The following SENP2 variants were observed in gnomAD, a reference collection of about 807,000 sequenced individuals.
SENP2 encodes the protein SUMO specific peptidase 2.
Under a neutral mutation model 86.3 loss-of-function variants are expected in SENP2, and 16 were observed. The observed-to-expected ratio is 0.19, with a 90% confidence interval of 0.13 to 0.28. The LOEUF (loss-of-function observed/expected upper bound fraction) is 0.28, where lower values mean the gene tolerates loss of function less well. Ranked by LOEUF, SENP2 falls within the 10% of genes least tolerant of loss-of-function variation. SENP2 has a pLI of 1.00. For missense variants in SENP2, 552 were observed against 703.0 expected, an observed-to-expected ratio of 0.79 and a Z score of 2.43; for synonymous variants, 222 against 238.7, an observed-to-expected ratio of 0.93 and a Z score of 0.64.
intron 16 of SENP2, 65 bp downstream of exon 16, chr3:185,626,458 C>CTTA: frequency 2.8e-6 from 3 of 1,086,250 alleles, no homozygotes; most frequent in Non-Finnish European, 4.2e-6. Flanking sequence ...TGGCCAGTGC[C>CTTA]TGGCACACAT....
At chr3:185,606,277 A>G in intron 5 of SENP2, 53 bp from the exon 6 acceptor site, 1 of 1,499,302 alleles carries the variant, frequency 6.7e-7, no homozygotes. Context: ...CTTAGATTCC[A>G]GCAATTTAAG....
Position 185,613,346 on chromosome 3 carries a change from T to C in SENP2, c.871T>C (p.Cys291Arg). ...TCATCTCTCAATTTTTTTCCTTAGGTGTTCAAAGGGGAAAATTACTGATAC... is the reference window on the plus strand; with the variant it reads ...TCATCTCTCAATTTTTTTCCTTAGGCGTTCAAAGGGGAAAATTACTGATAC... The part of the protein sequence containing the change: ...PLCSLRSEKR[C>R]SKGKITDTET... The change falls in exon 10 of 17, where the codon TGT becomes CGT. Residue 291 changes from cysteine (C) to arginine (R), a missense_variant and splice_region_variant. Cys to Arg is a radical substitution (Grantham distance 180). Transcript: ENST00000296257. 1.3e-6 allele frequency: 2 copies of C among 1,563,106 alleles called. No homozygotes were observed. Among genetic ancestry groups the C allele is most frequent in the Non-Finnish European group, 1.8e-6 (2 of 1,137,376 alleles).
At chr3:185,603,315 G>A (rs1452461226) in intron 5 of SENP2, among the ~76,000 whole-genome samples, 3 of 152,158 alleles carry the variant, frequency 2.0e-5, no homozygotes, top group African/African-American at 2.4e-5. Flanking sequence ...TGGACAAACT[G>A]ACATCATGGC....
intron 11 of SENP2, among the ~76,000 whole-genome samples, chr3:185,616,714 G>C (rs1711623157): frequency 6.6e-6 from 1 of 150,390 alleles, no homozygotes; most frequent in African/African-American, 2.5e-5. Context: ...GGCGGAGCTT[G>C]CAGTAAGCCG....
At chr3:185,626,606 C>G (rs780928867) in intron 16 of SENP2, among the ~76,000 whole-genome samples, 1 of 151,016 alleles carries the variant, frequency 6.6e-6, no homozygotes, top group Admixed American at 6.6e-5. Context: ...AACCCCATCT[C>G]TACTAAAAAT....
chr3:185,622,877 T>C (rs185069394), intron 14 of SENP2, among the ~76,000 whole-genome samples: 1 of 146,054 alleles, frequency 6.8e-6, no homozygotes, highest in Admixed American at 7.1e-5. Flanking sequence ...CATGCAGTGG[T>C]GCAGTCTCAG....
At chr3:185,603,225 AC>A (rs1215295079) in intron 5 of SENP2, among the ~76,000 whole-genome samples, 1 of 152,128 alleles carries the variant, frequency 6.6e-6, no homozygotes, top group African/African-American at 2.4e-5. Context: ...ATTACTTATT[AC>A]TTACAAAAGG....
chr3:185,595,320 T>C (rs1360942659), intron 2 of SENP2, among the ~76,000 whole-genome samples: 1 of 152,218 alleles, frequency 6.6e-6, no homozygotes, highest in East Asian at 1.9e-4. Flanking sequence ...GCTAAAGCTC[T>C]TCTTCTCCTC....
rs772768156 is a variant in SENP2, at chr3:185,614,599, A to G, written c.969A>G (p.Glu323=). The G allele has an allele frequency of 3.1e-6, 5 of 1,614,034 alleles. No individual in the cohort carries two copies. The highest frequency in any genetic ancestry group is 4.2e-6 in the Non-Finnish European group (5 of 1,180,030). The change falls in exon 11 of 17, where the codon GAA becomes GAG. Residue 323 remains glutamate, a synonymous_variant. Coordinates refer to ENST00000296257, the MANE Select transcript of SENP2 (RefSeq NM_021627.3). ...RGYQLEPDLS[E]EVSARLRLGS... is the part of the protein sequence containing the mutation. ...ACCAACTGGAGCCTGACCTATCAGA[A>G]GAAGTGTCGGCCCGACTCCGCCTGG...
chr3:185,612,380 A>G (rs1336286130), intron 8 of SENP2: 1 of 430,534 alleles, frequency 2.3e-6, no homozygotes, highest in Non-Finnish European at 4.2e-6. Context: ...TTACCAGATA[A>G]GCAGATATCA....
At chr3:185,618,101 T>G (rs185154357) in intron 12 of SENP2, among the ~76,000 whole-genome samples, 1 of 152,148 alleles carries the variant, frequency 6.6e-6, no homozygotes, top group Non-Finnish European at 1.5e-5. Context: ...TGCGCCACCA[T>G]GCCCGGCTAA....
At chr3:185,617,689 C>T in intron 12 of SENP2, 78 bp downstream of exon 12, 1 of 1,259,386 alleles carries the variant, frequency 7.9e-7, no homozygotes, top group Non-Finnish European at 1.1e-6. Flanking sequence ...GACTCCTACC[C>T]AGTTATAATG....
chr3:185,621,536 C>T (rs553182463), intron 13 of SENP2, among the ~76,000 whole-genome samples: 172 of 151,534 alleles, frequency 1.1e-3, no homozygotes, highest in African/African-American at 3.7e-3. Flanking sequence ...ATTACAGGCG[C>T]GTGCCATCAT....
chr3:185,624,103 T>G, intron 15 of SENP2, 21 bp downstream of exon 15: 1 of 1,549,762 alleles, frequency 6.5e-7, no homozygotes, highest in Non-Finnish European at 8.9e-7. Context: ...ATCATCTACA[T>G]GTGACATACT....
chr3:185,603,209 G>A (rs1182760770), intron 5 of SENP2, among the ~76,000 whole-genome samples: 1 of 152,114 alleles, frequency 6.6e-6, no homozygotes, highest in East Asian at 1.9e-4. Flanking sequence ...ACCACGCCCA[G>A]CCCACATTAC....
chr3:185,596,176 C>T (rs77975449), intron 2 of SENP2, among the ~76,000 whole-genome samples: 12,797 of 151,992 alleles, frequency 0.084, 863 homozygotes, highest in South Asian at 0.34. Context: ...GATGGTCAGG[C>T]TGGTCTTGAA....
At chr3:185,626,485 G>A (rs1056553970) in intron 16 of SENP2, 92 bp downstream of exon 16, 1 of 853,490 alleles carries the variant, frequency 1.2e-6, no homozygotes, top group Admixed American at 2.2e-5. Context: ...CTCAATAGTA[G>A]TAGCTGGCCA....
At chr3:185,620,041 C>T in intron 13 of SENP2, among the ~76,000 whole-genome samples, 1 of 149,930 alleles carries the variant, frequency 6.7e-6, no homozygotes, top group Non-Finnish European at 1.5e-5. Flanking sequence ...GCCTTTTTTT[C>T]TTTTTCTTTT....
chr3:185,590,556 A>G (rs1350347471), intron 2 of SENP2, among the ~76,000 whole-genome samples: 2 of 150,536 alleles, frequency 1.3e-5, no homozygotes, highest in Non-Finnish European at 3.0e-5. Context: ...CAGGAAAAAA[A>G]AAAACAAAAA....
Sources: allele counts gnomAD v4.1 joint callset (sites outside exome capture counted in the v4.1 genomes callset), GRCh38; gene constraint gnomAD v4.1.1; transcripts MANE v1.5; gene names NCBI Gene and HGNC (gene_info 2026-07-23, HGNC 2026-07-21).